Variants in KIF26A observed in about 807,000 individuals in gnomAD.
KIF26A encodes the protein kinesin family member 26A, also known as kinesin-like protein KIF26A.
In KIF26A, 74 loss-of-function variants were observed where a neutral mutation model predicts 126.0. The ratio of observed to expected loss-of-function variants is 0.59; its 90% confidence interval spans 0.49 to 0.71. KIF26A has a LOEUF of 0.71. Among genes scored for constraint, KIF26A ranks in the 30% least tolerant of loss-of-function variants. The pLI is 0.00. For synonymous variants in KIF26A, 1,445 were observed against 1,232.7 expected (o/e 1.17, Z -3.61); for missense variants, 2,984 against 2,763.3 (o/e 1.08, Z -1.79).
In KIF26A at chr14:104,177,057, C is replaced by G; in HGVS notation, c.4269C>G (p.Ala1423=). ...CCACGTCCAGCCTGAAGGCCCGGGC[C>G]AGCAAGGTAGAAGCAGCACACCGTC... ...PRATSSLKAR[A]SKVEAAHRLA... Residue 1423 remains alanine (A), a synonymous_variant, in exon 12 of 15, where the codon GCC becomes GCG. Coordinates refer to ENST00000423312, the MANE Select transcript of KIF26A (RefSeq NM_015656.2). 1 of 1,588,796 alleles carries G rather than the reference C, an allele frequency of 6.3e-7. No individual in the cohort carries two copies. The highest frequency in any genetic ancestry group is 8.5e-7 in the Non-Finnish European group (1 of 1,175,782).
intron 2 of KIF26A, among the ~76,000 whole-genome samples, chr14:104,140,836 G>A (rs1596129903): frequency 2.6e-5 from 4 of 152,298 alleles, no homozygotes; most frequent in South Asian, 2.1e-4. Flanking sequence ...CCTAGCTGGC[G>A]CTGGCACTCA....
At chr14:104,154,836 T>G (rs1464463725) in intron 3 of KIF26A, among the ~76,000 whole-genome samples, 2 of 152,164 alleles carry the variant, frequency 1.3e-5, no homozygotes, top group East Asian at 3.9e-4. Flanking sequence ...CTGGAGGTGT[T>G]GACGGTGGCC....
intron 4 of KIF26A, among the ~76,000 whole-genome samples, chr14:104,160,628 A>G (rs1016036685): frequency 6.6e-6 from 1 of 152,170 alleles, no homozygotes; most frequent in Non-Finnish European, 1.5e-5. Flanking sequence ...CCCCGGGGTT[A>G]GGAGTTCTCC....
In KIF26A at chr14:104,176,191, C is replaced by A; in HGVS notation, c.3403C>A (p.Pro1135Thr). The A allele has an allele frequency of 6.3e-7, 1 of 1,599,440 alleles. No individual in the cohort carries two copies. The highest frequency in any genetic ancestry group is 1.1e-5 in the South Asian group (1 of 88,482). ...CCCCACGCCGCAGCCCCGCTTCAGCCCCGACTCGCTGGCAGGGCTTGACCC... is the reference window on the plus strand; with the variant it reads ...CCCCACGCCGCAGCCCCGCTTCAGCACCGACTCGCTGGCAGGGCTTGACCC... ...RDPTPQPRFS[P>T]DSLAGLDPGG... The change falls in exon 12 of 15, where the codon CCC (proline) becomes ACC (threonine). Residue 1135 changes from proline to threonine, a missense_variant. By Grantham distance (38) the Pro-to-Thr change is conservative. Transcript: ENST00000423312.
Position 104,151,869 on chromosome 14 carries a change from T to C in KIF26A, c.289-146T>C. The C allele has an allele frequency of 1.5e-6, 1 of 667,518 alleles. No individual in the cohort carries two copies. The highest frequency in any genetic ancestry group is 2.6e-6 in the Non-Finnish European group (1 of 378,046). 41.3% of individuals were successfully genotyped at this position (667,518 alleles called of 1,614,324 possible). ...CCTGCTGGGCTTGTGTGGGTGAAAGTGTTTGGGCTTATTAATCTGTTACGG... is the reference window on the plus strand; with the variant it reads ...CCTGCTGGGCTTGTGTGGGTGAAAGCGTTTGGGCTTATTAATCTGTTACGG... On this transcript the variant is annotated intron_variant, in intron 2 of 14. Transcript: ENST00000423312. This position sits in a 1 kb window ranked among gnomAD's most constrained non-coding sequence, Gnocchi z 4.9.
rs760534911 is a variant in KIF26A, at chr14:104,175,403, C to T, written c.2615C>T (p.Ala872Val). 7 of 1,594,940 alleles carry T rather than the reference C, an allele frequency of 4.4e-6. No individual in the cohort carries two copies. In the Admixed American group the frequency reaches 6.8e-5, roughly 15 times the overall value. The change falls in exon 12 of 15, where the codon GCC becomes GTC. Residue 872 changes from alanine (A) to valine (V), a missense_variant. Ala to Val is a moderately conservative substitution (Grantham distance 64). Coordinates refer to ENST00000423312, the MANE Select transcript of KIF26A (RefSeq NM_015656.2). The part of the protein sequence containing the change: ...GGTDGAQASP[A>V]RGGRKPSPPE... ...ACCGACGGAGCTCAGGCCAGCCCCG[C>T]CCGAGGGGGCCGGAAGCCCTCGCCA...
chr14:104,153,675 T>TG (rs1348820559), intron 3 of KIF26A, among the ~76,000 whole-genome samples: 10 of 152,036 alleles, frequency 6.6e-5, no homozygotes, highest in Admixed American at 6.6e-4. Context: ...GGGATGGTGC[T>TG]GGGGGCTGCA....
At position 104,145,207 on chromosome 14, in the gene KIF26A, C is replaced by T. The variant is rs556939335; in HGVS notation, c.288+5919C>T. On this transcript the variant is annotated intron_variant, in intron 2 of 14. Coordinates refer to ENST00000423312, the MANE Select transcript of KIF26A (RefSeq NM_015656.2). ...GCTGCGTCGTCACTGTTGCTTCTTC[C>T]GGCGCTCAGGGTCACTTTTCCTTCC... Among the ~76,000 whole-genome samples the T allele has an allele frequency of 4.6e-5, 7 of 152,358 alleles. No individual in the cohort carries two copies. The East Asian group carries it at 5.8e-4, about 13-fold the overall frequency.
chr14:104,171,856 C>G lies in KIF26A; in HGVS notation c.1247C>G (p.Ala416Gly). 6 of 1,554,792 alleles carry G rather than the reference C, an allele frequency of 3.9e-6. No individual in the cohort carries two copies. The highest frequency in any genetic ancestry group is 5.2e-6 in the Non-Finnish European group (6 of 1,150,362). Residue 416 changes from alanine to glycine, a missense_variant, in exon 6 of 15, where the codon GCA (alanine) becomes GGA (glycine). Ala to Gly is a moderately conservative substitution (Grantham distance 60). Coordinates refer to ENST00000423312, the MANE Select transcript of KIF26A (RefSeq NM_015656.2). ...CCCGCCGCCGGTCCCCCAGGCAGCG[C>G]AGGCCCCCGGCGAGCCGCCACTGCT... ...YDPAAGPPGS[A>G]GPRRAATAAV...
chr14:104,175,428 A>G lies in KIF26A; in HGVS notation c.2640A>G (p.Pro880=), dbSNP rs779790288. The change falls in exon 12 of 15, where the codon CCA becomes CCG. Residue 880 remains proline (P), a synonymous_variant. Transcript: ENST00000423312. Reference sequence around the variant, plus strand: ...CCCGAGGGGGCCGGAAGCCCTCGCCACCAGAGGCTGCATCCCCCAGGAAGG... The same window carrying G: ...CCCGAGGGGGCCGGAAGCCCTCGCCGCCAGAGGCTGCATCCCCCAGGAAGG... The part of the protein sequence containing the change: ...SPARGGRKPS[P]PEAASPRKAV... The G allele has an allele frequency of 6.3e-7, 1 of 1,592,710 alleles. No homozygotes were observed. Among genetic ancestry groups the G allele is most frequent in the East Asian group, 2.3e-5 (1 of 44,414 alleles).
At chr14:104,168,149 T>C (rs1381414580) in intron 5 of KIF26A, among the ~76,000 whole-genome samples, 1 of 152,136 alleles carries the variant, frequency 6.6e-6, no homozygotes, top group African/African-American at 2.4e-5. Flanking sequence ...AGGGGCCTCC[T>C]GGGCAGCCAC....
intron 4 of KIF26A, 136 bp downstream of exon 4, chr14:104,158,078 T>A: frequency 1.2e-6 from 1 of 847,954 alleles, no homozygotes; most frequent in Non-Finnish European, 1.7e-6. Context: ...GGGGAGCTGC[T>A]CCGACCACAG....
At chr14:104,179,538 T>G in intron 14 of KIF26A, 71 bp from the exon 15 acceptor site, 2 of 1,443,878 alleles carry the variant, frequency 1.4e-6, no homozygotes, top group Non-Finnish European at 1.8e-6. Context: ...CTGGGGCCTC[T>G]GGGGGGCCAG....
rs370722259 is a variant in KIF26A, at chr14:104,143,297, G to A, written c.288+4009G>A. 6.0e-4 allele frequency among the ~76,000 whole-genome samples: 92 copies of A among 152,330 alleles called. 1 individual carries two copies. The highest frequency in any genetic ancestry group is 5.8e-3 in the South Asian group (28 of 4,826). On this transcript the variant is annotated intron_variant, in intron 2 of 14. Transcript: ENST00000423312. ...TGTGGCTCTGGACTCTCCTCCCGGC[G>A]AAGCTCCGGGTGGCCCCTGTGTACA...
intron 13 of KIF26A, 71 bp from the exon 14 acceptor site, chr14:104,179,165 A>G (rs990337139): frequency 1.3e-5 from 18 of 1,374,542 alleles, no homozygotes; most frequent in Non-Finnish European, 1.6e-5. Flanking sequence ...GGCGGGGGCC[A>G]CATCAGGGCT....
intron 2 of KIF26A, among the ~76,000 whole-genome samples, chr14:104,140,634 G>A (rs560652751): frequency 6.6e-5 from 10 of 152,272 alleles, no homozygotes; most frequent in Admixed American, 2.6e-4. Context: ...CAGGCCAGGG[G>A]TCCTAGTGGA....
chr14:104,161,655 GCTT>G lies in KIF26A; in HGVS notation c.923+3719_923+3721del, dbSNP rs1192284882. Among the ~76,000 whole-genome samples the G allele has an allele frequency of 2.6e-5, 4 of 152,344 alleles. No homozygotes were observed. The East Asian group carries it at 5.8e-4, about 22-fold the overall frequency. ...TCATCCTCGCTCACGCGTGTTCTGA[GCTT>G]CTTCTGTGAGCATCTGCCCCCAGAC... On this transcript the variant is annotated intron_variant, in intron 4 of 14. Transcript: ENST00000423312.
In KIF26A at chr14:104,176,924, C is replaced by G; in HGVS notation, c.4136C>G (p.Ser1379Trp). The change falls in exon 12 of 15, where the codon TCG becomes TGG. Residue 1379 changes from serine (S) to tryptophan (W), a missense_variant. Transcript: ENST00000423312. Reference sequence around the variant, plus strand: ...CTGGAGCAGAGGAGCAGCCCGGCCTCGGCCCCTCCGCATGCTGTGAACCCG... The same window carrying G: ...CTGGAGCAGAGGAGCAGCCCGGCCTGGGCCCCTCCGCATGCTGTGAACCCG... The part of the protein sequence containing the change: ...SSLEQRSSPA[S>W]APPHAVNPAR... 6.5e-7 allele frequency: 1 copy of G among 1,536,850 alleles called. No individual in the cohort carries two copies.
rs751094017 is a variant in KIF26A, at chr14:104,157,915, C to G, written c.896C>G (p.Pro299Arg). 6.5e-7 allele frequency: 1 copy of G among 1,529,500 alleles called. No individual in the cohort carries two copies. The highest frequency in any genetic ancestry group is 2.4e-5 in the East Asian group (1 of 41,232). The allele number at this position is 1,529,500 out of a possible 1,614,324, so 94.7% of individuals were successfully genotyped here. The change falls in exon 4 of 15, where the codon CCC becomes CGC. Residue 299 changes from proline to arginine, a missense_variant. Pro to Arg is a moderately radical substitution (Grantham distance 103). Coordinates refer to ENST00000423312, the MANE Select transcript of KIF26A (RefSeq NM_015656.2). The stretch of plus-strand genomic sequence containing the variant: ...GGCTCGGTGGGGGGCTCCACAGGCC[C>G]CTCAGCTGCAGCCTCCTTCTTCATA... ...TPGSVGGSTG[P>R]SAAASFFIRA...
Sources: allele counts gnomAD v4.1 joint callset (sites outside exome capture counted in the v4.1 genomes callset), GRCh38; gene constraint gnomAD v4.1.1; non-coding constraint Gnocchi (gnomAD v3.1); transcripts MANE v1.5; gene names NCBI Gene and HGNC (gene_info 2026-07-23, HGNC 2026-07-21).